FREM1: variants seen among roughly 807,000 people sequenced by gnomAD.
The protein encoded by FREM1 is FRAS1-related extracellular matrix protein 1.
FREM1 carries 220 observed loss-of-function variants against 210.1 expected under a neutral mutation model. That is an observed-to-expected ratio of 1.05 (90% CI 0.94 to 1.17). The LOEUF is 1.17. FREM1 is among the 50% of genes most tolerant of loss of function. The probability of loss-of-function intolerance (pLI) is 0.00; values close to 1 mark genes in which losing one functional copy is unlikely to be tolerated. For missense variants in FREM1, 3,454 were observed against 2,675.5 expected, an observed-to-expected ratio of 1.29 and a Z score of -6.42; for synonymous variants, 1,189 against 980.2, an observed-to-expected ratio of 1.21 and a Z score of -3.98.
intron 2 of FREM1, among the ~76,000 whole-genome samples, chr9:14,865,988 A>C (rs1831447109): frequency 6.6e-6 from 1 of 152,198 alleles, no homozygotes; most frequent in South Asian, 2.1e-4. Flanking sequence ...CCACAGAATA[A>C]ATATTAGAAG....
At chr9:14,784,261 G>C (rs1188518294) in intron 24 of FREM1, 109 bp downstream of exon 24, 2 of 977,326 alleles carry the variant, frequency 2.0e-6, no homozygotes, top group Non-Finnish European at 3.0e-6. Context: ...GATGTTATAA[G>C]ATACATGTAT....
chr9:14,872,580 G>A (rs1248751272), intron 1 of FREM1, among the ~76,000 whole-genome samples: 1 of 151,986 alleles, frequency 6.6e-6, no homozygotes, highest in Non-Finnish European at 1.5e-5. Context: ...TGAGACAATG[G>A]GGTTTTCTAG....
intron 1 of FREM1, among the ~76,000 whole-genome samples, chr9:14,881,709 T>C (rs1253050406): frequency 2.6e-5 from 4 of 152,106 alleles, no homozygotes; most frequent in Admixed American, 6.5e-5. Context: ...CCTTCCTCCA[T>C]AGAAATAAAA....
At position 14,836,769 on chromosome 9, in the gene FREM1, C is replaced by G. The variant is rs1588270983; in HGVS notation, c.1881+4678G>C. On this transcript the variant is annotated intron_variant, in intron 10 of 36. Coordinates refer to ENST00000380880, the MANE Select transcript of FREM1 (RefSeq NM_001379081.2). The surrounding 1 kb of genome is among the most constrained non-coding windows in gnomAD (Gnocchi z 4.9). ...ACCCTTAAATCAATCCCAGGAGGAG[C>G]CCTAACTGCTGTTCCCCATTCAACG... Among the ~76,000 whole-genome samples, 1 of 152,274 alleles carries G rather than the reference C, an allele frequency of 6.6e-6. No homozygotes were observed. Among genetic ancestry groups the G allele is most frequent in the East Asian group, 1.9e-4 (1 of 5,190 alleles).
At chr9:14,798,078 A>G (rs1157293002) in intron 20 of FREM1, among the ~76,000 whole-genome samples, 2 of 152,118 alleles carry the variant, frequency 1.3e-5, no homozygotes, top group African/African-American at 4.8e-5. Context: ...TTTAAATGGA[A>G]ATTCAAGAGT....
At chr9:14,762,044 T>C (rs1037593848) in intron 27 of FREM1, among the ~76,000 whole-genome samples, 3 of 152,218 alleles carry the variant, frequency 2.0e-5, no homozygotes, top group Non-Finnish European at 4.4e-5. Context: ...ACTTTAGACA[T>C]CTGCTGGAGG....
intron 1 of FREM1, among the ~76,000 whole-genome samples, chr9:14,883,516 G>T (rs950826387): frequency 2.0e-5 from 3 of 152,084 alleles, no homozygotes; most frequent in African/African-American, 7.2e-5. Flanking sequence ...GGCATGGGAG[G>T]GGAAAGAGAA....
At chr9:14,855,741 G>A (rs1461166838) in intron 5 of FREM1, among the ~76,000 whole-genome samples, 2 of 151,634 alleles carry the variant, frequency 1.3e-5, no homozygotes, top group Non-Finnish European at 2.9e-5. Context: ...TATGGAATAG[G>A]TTAATGATAA....
intron 24 of FREM1, among the ~76,000 whole-genome samples, chr9:14,783,738 A>T (rs749899810): frequency 6.6e-6 from 1 of 152,194 alleles, no homozygotes; most frequent in African/African-American, 2.4e-5. Context: ...TTTTCACCAG[A>T]TTGTTATTCA....
rs562927541 is a variant in FREM1 at position 14,844,457 on chromosome 9, T to G, written c.1393+1503A>C. On this transcript the variant is annotated intron_variant, in intron 8 of 36. Coordinates refer to ENST00000380880, the MANE Select transcript of FREM1 (RefSeq NM_001379081.2). ...CCAGGCTGGTCTTGAACTCCTGACCTCAAGTGATCTGCCGGTCTCGGCCTC... is the reference window on the plus strand; with the variant it reads ...CCAGGCTGGTCTTGAACTCCTGACCGCAAGTGATCTGCCGGTCTCGGCCTC... Among the ~76,000 whole-genome samples the G allele has an allele frequency of 2.6e-5, 4 of 152,252 alleles. No homozygotes were observed. The South Asian group carries it at 8.3e-4, about 32-fold the overall frequency.
At chr9:14,871,836 T>C (rs1033422437) in intron 1 of FREM1, among the ~76,000 whole-genome samples, 6 of 152,220 alleles carry the variant, frequency 3.9e-5, no homozygotes, top group African/African-American at 1.2e-4. Flanking sequence ...GAATTAATTT[T>C]TGTATGAGGT....
intron 5 of FREM1, 150 bp downstream of exon 5, chr9:14,857,403 A>G: frequency 1.3e-6 from 1 of 758,016 alleles, no homozygotes; most frequent in Non-Finnish European, 2.4e-6. Context: ...AGCAGAACCA[A>G]CAAGCCTGCA....
At chr9:14,900,160 A>G (rs1050130665) in intron 1 of FREM1, among the ~76,000 whole-genome samples, 3 of 152,160 alleles carry the variant, frequency 2.0e-5, no homozygotes, top group Non-Finnish European at 4.4e-5. Flanking sequence ...GAAACACACC[A>G]AGATGAGTTG....
At chr9:14,778,235 C>A (rs1848955781) in intron 24 of FREM1, among the ~76,000 whole-genome samples, 1 of 151,898 alleles carries the variant, frequency 6.6e-6, no homozygotes, top group Non-Finnish European at 1.5e-5. Context: ...TAAAATTAAA[C>A]CTTTGATAAG....
intron 1 of FREM1, among the ~76,000 whole-genome samples, chr9:14,870,770 C>G (rs1352035746): frequency 6.6e-6 from 1 of 151,054 alleles, no homozygotes; most frequent in Non-Finnish European, 1.5e-5. Context: ...CGTCACTTAG[C>G]ATTAGGTATA....
intron 29 of FREM1, among the ~76,000 whole-genome samples, chr9:14,751,390 T>C (rs894488132): frequency 1.3e-5 from 2 of 152,170 alleles, no homozygotes; most frequent in Admixed American, 1.3e-4. Flanking sequence ...GGTAAACAAC[T>C]GTAATCCCAG....
chr9:14,894,090 ATAG>A (rs1343443036), intron 1 of FREM1, among the ~76,000 whole-genome samples: 2 of 152,232 alleles, frequency 1.3e-5, no homozygotes, highest in African/African-American at 4.8e-5. Context: ...TTTAACATTA[ATAG>A]TACACTAATA....
intron 3 of FREM1, among the ~76,000 whole-genome samples, chr9:14,862,245 G>A (rs181787956): frequency 2.6e-5 from 4 of 152,246 alleles, no homozygotes; most frequent in Admixed American, 2.6e-4. Flanking sequence ...TATGCTCAAC[G>A]TACAGCCTGG....
chr9:14,860,554 T>TAG (rs1254622647), intron 3 of FREM1, among the ~76,000 whole-genome samples: 1 of 124,590 alleles, frequency 8.0e-6, no homozygotes, highest in Non-Finnish European at 1.6e-5. Flanking sequence ...CACATATATA[T>TAG]ACACACATAT....
Sources: gnomAD v4.1 joint callset for allele counts (sites outside exome capture counted in the v4.1 genomes callset) on GRCh38, gnomAD v4.1.1 for gene constraint, Gnocchi (gnomAD v3.1) non-coding constraint, MANE v1.5 for transcripts, NCBI Gene and HGNC (gene_info 2026-07-23, HGNC 2026-07-21) for gene names.